THSD4: variants seen among roughly 807,000 people sequenced by gnomAD.
The protein encoded by THSD4 is thrombospondin type-1 domain-containing protein 4.
In THSD4, 69 loss-of-function variants were observed where a neutral mutation model predicts 119.0. The observed-to-expected ratio is 0.58, with a 90% CI of 0.48 to 0.71. The LOEUF is 0.71. THSD4 is among the 30% of genes least tolerant of loss of function. THSD4 has a pLI of 0.00. For synonymous variants in THSD4, 524 were observed against 540.4 expected, an observed-to-expected ratio of 0.97 and a Z score of 0.42; for missense variants, 1,393 against 1,391.1, an observed-to-expected ratio of 1.00 and a Z score of -0.02.
chr15:71,339,306 T>C (rs1218216904), intron 6 of THSD4, among the ~76,000 whole-genome samples: 1 of 152,138 alleles, frequency 6.6e-6, no homozygotes, highest in East Asian at 1.9e-4. Context: ...ATTTTTTTAA[T>C]CCAGAAATAC....
At chr15:71,537,796 C>T (rs1051716883) in intron 7 of THSD4, among the ~76,000 whole-genome samples, 1 of 152,020 alleles carries the variant, frequency 6.6e-6, no homozygotes, top group African/African-American at 2.4e-5. Context: ...GAGTCTCACT[C>T]TGGCCCAGGC....
chr15:71,115,659 G>T lies in THSD4; in HGVS notation c.-119G>T, dbSNP rs1026964836. ...GGGAACCACGCGGGGGCGAGGCGAGGCGAGGCGGCCGCCGGTCGCTCCGGG... is the reference window on the plus strand; with the variant it reads ...GGGAACCACGCGGGGGCGAGGCGAGTCGAGGCGGCCGCCGGTCGCTCCGGG... On this transcript the variant is annotated 5_prime_UTR_variant, in exon 1 of 18. Coordinates refer to ENST00000261862, the MANE Select transcript of THSD4 (RefSeq NM_024817.3). This position sits in a 1 kb window ranked among gnomAD's most constrained non-coding sequence, Gnocchi z 4.4. The T allele has an allele frequency of 2.0e-5, 3 of 146,864 alleles. No homozygotes were observed. Among genetic ancestry groups the T allele is most frequent in the African/African-American group, 7.3e-5 (3 of 40,912 alleles). 9.1% of individuals were successfully genotyped at this position (146,864 alleles called of 1,614,324 possible). A position where few individuals can be genotyped will look rare whatever the true frequency, so the allele number is the denominator to read the frequency against.
intron 14 of THSD4, among the ~76,000 whole-genome samples, chr15:71,751,444 A>G (rs1053346307): frequency 5.9e-5 from 9 of 152,176 alleles, no homozygotes; most frequent in Non-Finnish European, 1.3e-4. Flanking sequence ...CTTCTCATAC[A>G]TACTTTACCT....
At chr15:71,233,935 T>C (rs2044081574) in intron 4 of THSD4, among the ~76,000 whole-genome samples, 1 of 152,156 alleles carries the variant, frequency 6.6e-6, no homozygotes, top group Non-Finnish European at 1.5e-5. Flanking sequence ...GTGACCTGGA[T>C]CCCCTGGTGA....
chr15:71,696,983 C>G (rs547410362), intron 8 of THSD4, among the ~76,000 whole-genome samples: 1 of 152,248 alleles, frequency 6.6e-6, no homozygotes, highest in South Asian at 2.1e-4. Flanking sequence ...CAAGCCCATG[C>G]GACTTGAGAG....
intron 6 of THSD4, among the ~76,000 whole-genome samples, chr15:71,321,072 C>T (rs1756349724): frequency 6.6e-6 from 1 of 152,182 alleles, no homozygotes; most frequent in Admixed American, 6.5e-5. Context: ...AACAGCTGCC[C>T]TGTAACCTTC....
intron 6 of THSD4, among the ~76,000 whole-genome samples, chr15:71,316,479 C>T (rs2045188312): frequency 6.6e-6 from 1 of 152,180 alleles, no homozygotes; most frequent in African/African-American, 2.4e-5. Flanking sequence ...AGGCCAAGCA[C>T]AAGTCTACCT....
intron 7 of THSD4, among the ~76,000 whole-genome samples, chr15:71,610,623 T>G (rs2050205441): frequency 6.6e-6 from 1 of 152,230 alleles, no homozygotes; most frequent in Admixed American, 6.5e-5. Context: ...TAACACTGTC[T>G]GTGCTCATGT....
intron 6 of THSD4, among the ~76,000 whole-genome samples, chr15:71,399,166 G>A (rs186062930): frequency 2.0e-5 from 3 of 152,214 alleles, no homozygotes; most frequent in Admixed American, 2.0e-4. Flanking sequence ...TTTCAATCAC[G>A]TGGACCTGTT....
At chr15:71,448,434 G>A (rs892069339) in intron 7 of THSD4, among the ~76,000 whole-genome samples, 3 of 152,200 alleles carry the variant, frequency 2.0e-5, no homozygotes, top group African/African-American at 7.2e-5. Context: ...GATATTAGAT[G>A]TATTAACTTC....
intron 1 of THSD4, among the ~76,000 whole-genome samples, chr15:71,101,033 A>T (rs2040251722): frequency 6.6e-6 from 1 of 151,930 alleles, no homozygotes; most frequent in Non-Finnish European, 1.5e-5. Context: ...AATAAAATAA[A>T]ATAAAATTGA....
chr15:71,733,874 C>A (rs1457785631), intron 10 of THSD4: 1 of 143,764 alleles, frequency 7.0e-6, no homozygotes, highest in Admixed American at 7.1e-5. Context: ...GAGCCTCCTG[C>A]ACTCCAGCCT....
rs756387125 is a variant in THSD4 at position 71,782,641 on chromosome 15, G to A, written c.*5267G>A. The A allele has an allele frequency of 3.3e-5, 5 of 152,216 alleles. No individual in the cohort carries two copies. The highest frequency in any genetic ancestry group is 7.3e-5 in the Non-Finnish European group (5 of 68,052). The allele number at this position is 152,216 out of a possible 1,614,324, so 9.4% of individuals were successfully genotyped here. On this transcript the variant is annotated 3_prime_UTR_variant, in exon 18 of 18. Coordinates refer to ENST00000261862, the MANE Select transcript of THSD4 (RefSeq NM_024817.3). ...GCCTCCTGGAATGTCGCTGTACGATGATTGATGTCTTTTTCTCAGTCCATA... is the reference window on the plus strand; with the variant it reads ...GCCTCCTGGAATGTCGCTGTACGATAATTGATGTCTTTTTCTCAGTCCATA...
At chr15:71,357,411 G>C (rs1283838779) in intron 6 of THSD4, among the ~76,000 whole-genome samples, 1 of 152,176 alleles carries the variant, frequency 6.6e-6, no homozygotes, top group East Asian at 1.9e-4. Flanking sequence ...GAGCTGACAG[G>C]CTCACTCTGC....
intron 6 of THSD4, among the ~76,000 whole-genome samples, chr15:71,299,445 A>C (rs938149726): frequency 9.9e-5 from 15 of 152,182 alleles, no homozygotes; most frequent in Non-Finnish European, 1.8e-4. Flanking sequence ...AGAGGACTTT[A>C]TGCTAAGTGA....
chr15:71,364,708 A>G (rs987714053), intron 6 of THSD4, among the ~76,000 whole-genome samples: 8 of 152,142 alleles, frequency 5.3e-5, no homozygotes, highest in Admixed American at 1.3e-4. Context: ...GTTTAGTTTT[A>G]TTTTATTTTG....
chr15:71,246,882 A>G (rs945871592), intron 5 of THSD4, among the ~76,000 whole-genome samples: 7 of 150,296 alleles, frequency 4.7e-5, no homozygotes, highest in African/African-American at 1.5e-4. Context: ...ATCTGGTCCA[A>G]AGTCTTTTTT....
At chr15:71,435,416 T>C (rs903460108) in intron 7 of THSD4, among the ~76,000 whole-genome samples, 2 of 152,232 alleles carry the variant, frequency 1.3e-5, no homozygotes, top group Admixed American at 6.5e-5. Flanking sequence ...TATCTTTCTT[T>C]TGTTTCTTTT....
At chr15:71,353,362 A>T (rs944459608) in intron 6 of THSD4, among the ~76,000 whole-genome samples, 3 of 152,164 alleles carry the variant, frequency 2.0e-5, no homozygotes, top group African/African-American at 7.2e-5. Flanking sequence ...TTATTAGCAA[A>T]CACTTAATCT....
Sources: allele counts gnomAD v4.1 joint callset (sites outside exome capture counted in the v4.1 genomes callset), GRCh38; gene constraint gnomAD v4.1.1; non-coding constraint Gnocchi (gnomAD v3.1); transcripts MANE v1.5; gene names NCBI Gene and HGNC (gene_info 2026-07-23, HGNC 2026-07-21).